ABCB1: variants seen among roughly 807,000 people sequenced by gnomAD.
ABCB1 encodes the protein ATP binding cassette subfamily B member 1.
Under a neutral mutation model 142.0 loss-of-function variants are expected in ABCB1, and 69 were observed. The ratio of observed to expected loss-of-function variants is 0.49; its 90% CI spans 0.40 to 0.59. ABCB1 has a LOEUF of 0.59. Ranked by LOEUF, ABCB1 falls within the 20% of genes least tolerant of loss-of-function variation. The pLI, the probability that ABCB1 is intolerant of heterozygous loss-of-function variation, is 0.00. For synonymous variants in ABCB1, 532 were observed against 539.2 expected, an observed-to-expected ratio of 0.99 and a Z score of 0.18; for missense variants, 1,326 against 1,554.7, an observed-to-expected ratio of 0.85 and a Z score of 2.47.
chr7:87,695,267 T>C (rs981634011), intron 1 of ABCB1, among the ~76,000 whole-genome samples: 1 of 152,144 alleles, frequency 6.6e-6, no homozygotes, highest in African/African-American at 2.4e-5. Flanking sequence ...CTAATAAATA[T>C]AAACCTCAAC....
chr7:87,544,517 TTAC>T (rs1277853801), intron 16 of ABCB1, among the ~76,000 whole-genome samples: 1 of 152,220 alleles, frequency 6.6e-6, no homozygotes, highest in Non-Finnish European at 1.5e-5. Flanking sequence ...CCACAAACAC[TTAC>T]TTTTATTTGG....
chr7:87,565,775 GT>G (rs1382856286), intron 7 of ABCB1, among the ~76,000 whole-genome samples: 2 of 149,274 alleles, frequency 1.3e-5, no homozygotes, highest in African/African-American at 4.9e-5. Context: ...TTTTGTTTTT[GT>G]TTTTGTTTGT....
chr7:87,607,777 G>T (rs1285833565), intron 1 of ABCB1, among the ~76,000 whole-genome samples: 1 of 151,918 alleles, frequency 6.6e-6, no homozygotes, highest in Non-Finnish European at 1.5e-5. Flanking sequence ...AACTTTTATT[G>T]ATCACTATGT....
intron 1 of ABCB1, among the ~76,000 whole-genome samples, chr7:87,630,694 T>C (rs931198421): frequency 6.6e-6 from 1 of 151,834 alleles, no homozygotes; most frequent in Non-Finnish European, 1.5e-5. Context: ...TAGTCTTTTT[T>C]TTTTTTTCTT....
intron 19 of ABCB1, among the ~76,000 whole-genome samples, chr7:87,538,980 C>T (rs1350896277): frequency 1.3e-5 from 2 of 152,136 alleles, no homozygotes; most frequent in Admixed American, 6.5e-5. Context: ...ATCAAAGATG[C>T]CTTCTGCCTG....
chr7:87,527,374 G>C (rs1015142446), intron 21 of ABCB1, among the ~76,000 whole-genome samples: 2 of 152,202 alleles, frequency 1.3e-5, no homozygotes, highest in African/African-American at 4.8e-5. Flanking sequence ...TGCACCTGCT[G>C]TTGTAGCTGC....
At chr7:87,519,834 A>C (rs960102278) in intron 22 of ABCB1, among the ~76,000 whole-genome samples, 3 of 152,224 alleles carry the variant, frequency 2.0e-5, no homozygotes, top group Non-Finnish European at 4.4e-5. Context: ...TTCATTCTGC[A>C]CACAGTTACC....
At chr7:87,552,137 T>C (rs554893401) in intron 9 of ABCB1, among the ~76,000 whole-genome samples, 1 of 152,364 alleles carries the variant, frequency 6.6e-6, no homozygotes, top group African/African-American at 2.4e-5. Context: ...GGTTGTCTTT[T>C]TTGCCACAAG....
chr7:87,572,997 A>G (rs1818115435), intron 4 of ABCB1, among the ~76,000 whole-genome samples: 1 of 152,196 alleles, frequency 6.6e-6, no homozygotes, highest in Non-Finnish European at 1.5e-5. Context: ...AAACCCCATG[A>G]CACACATTTA....
chr7:87,599,643 G>A (rs111987376), intron 2 of ABCB1, among the ~76,000 whole-genome samples: 24 of 152,300 alleles, frequency 1.6e-4, no homozygotes, highest in African/African-American at 5.5e-4. Flanking sequence ...AGAGGTTGGT[G>A]AATGACTAAG....
chr7:87,602,085 C>G (rs1819479686), upstream of ABCB1, among the ~76,000 whole-genome samples: 2 of 152,092 alleles, frequency 1.3e-5, no homozygotes, highest in Admixed American at 1.3e-4. Flanking sequence ...GCTCCGCCTC[C>G]CGGGTTCACA....
chr7:87,597,632 C>G (rs1819258388), intron 2 of ABCB1, among the ~76,000 whole-genome samples: 1 of 151,978 alleles, frequency 6.6e-6, no homozygotes, highest in African/African-American at 2.4e-5. Context: ...ATTCTTTAAG[C>G]TATCAAGTTT....
At chr7:87,621,330 A>C (rs1225683624) in intron 1 of ABCB1, among the ~76,000 whole-genome samples, 1 of 152,184 alleles carries the variant, frequency 6.6e-6, no homozygotes, top group Admixed American at 6.5e-5. Context: ...GGATGAAAAT[A>C]GAAAATCCAG....
intron 8 of ABCB1, among the ~76,000 whole-genome samples, chr7:87,558,140 A>G (rs557305812): frequency 1.4e-4 from 22 of 152,300 alleles, no homozygotes; most frequent in Admixed American, 1.3e-3. Context: ...AAACAACTAG[A>G]CACATAATTT....
chr7:87,572,106 G>A (rs1818079963), intron 4 of ABCB1, among the ~76,000 whole-genome samples: 2 of 152,168 alleles, frequency 1.3e-5, no homozygotes, highest in South Asian at 4.1e-4. Context: ...AATGAAACAG[G>A]ACATTGAATA....
At chr7:87,612,777 G>GT (rs1274960604) in intron 1 of ABCB1, among the ~76,000 whole-genome samples, 1 of 151,942 alleles carries the variant, frequency 6.6e-6, no homozygotes, top group African/African-American at 2.4e-5. Flanking sequence ...TTTTAGGATC[G>GT]TTTTTTCTAA....
At chr7:87,684,248 T>C (rs1329667527) in intron 1 of ABCB1, among the ~76,000 whole-genome samples, 8 of 152,228 alleles carry the variant, frequency 5.3e-5, no homozygotes, top group Admixed American at 5.2e-4. Context: ...GTTGTTAAGA[T>C]GTCAGTTCTT....
chr7:87,683,430 T>C (rs928546708), intron 1 of ABCB1, among the ~76,000 whole-genome samples: 5 of 152,328 alleles, frequency 3.3e-5, no homozygotes, highest in South Asian at 2.1e-4. Context: ...ATTAATCGTG[T>C]ACAGCTTTTG....
At chr7:87,603,825 C>G (rs1819551420), upstream of ABCB1, among the ~76,000 whole-genome samples, 1 of 152,200 alleles carries the variant, frequency 6.6e-6, no homozygotes, top group Non-Finnish European at 1.5e-5. Context: ...TTACTTAACT[C>G]TGCTATCCCA....
Sources: allele counts gnomAD v4.1 joint callset (sites outside exome capture counted in the v4.1 genomes callset), GRCh38; gene constraint gnomAD v4.1.1; transcripts MANE v1.5; gene names NCBI Gene and HGNC (gene_info 2026-07-23, HGNC 2026-07-21).